Variants in NFU1 observed in about 807,000 individuals in gnomAD.
NFU1 encodes NFU1 iron-sulfur cluster scaffold homolog, mitochondrial.
NFU1 carries 30 observed loss-of-function variants against 32.2 expected under a neutral mutation model. The ratio of observed to expected loss-of-function variants is 0.93; its 90% CI spans 0.70 to 1.26. NFU1 has a LOEUF of 1.26. Among genes scored for constraint, NFU1 ranks in the 50% most tolerant of loss-of-function variants. The probability of loss-of-function intolerance (pLI) is 0.00; values close to 1 mark genes in which losing one functional copy is unlikely to be tolerated. For synonymous variants in NFU1, 112 were observed against 104.6 expected (o/e 1.07, Z -0.43); for missense variants, 306 against 306.6 (o/e 1.00, Z 0.02).
chr2:69,433,183 C>T (rs1436896031), intron 1 of NFU1, among the ~76,000 whole-genome samples: 1 of 150,712 alleles, frequency 6.6e-6, no homozygotes, highest in Admixed American at 6.6e-5. Context: ...TACGACTGTC[C>T]TTTTTGTTTT....
chr2:69,404,615 A>ATATTT (rs1426118283), intron 6 of NFU1, among the ~76,000 whole-genome samples: 6 of 73,008 alleles, frequency 8.2e-5, no homozygotes, highest in South Asian at 5.3e-4. Context: ...ATCTTAGCAA[A>ATATTT]TTTTTTTTTT....
At chr2:69,406,325 T>TA in intron 5 of NFU1, among the ~76,000 whole-genome samples, 1 of 152,350 alleles carries the variant, frequency 6.6e-6, no homozygotes, top group Admixed American at 6.5e-5. Flanking sequence ...ATGAGTACAC[T>TA]AAAACATCTT....
intron 7 of NFU1, among the ~76,000 whole-genome samples, chr2:69,398,661 G>A (rs1672415150): frequency 6.6e-6 from 1 of 152,130 alleles, no homozygotes; most frequent in South Asian, 2.1e-4. Flanking sequence ...CATTCCTCCT[G>A]GTATATAAGC....
At chr2:69,408,861 CTT>C (rs1173785443) in intron 5 of NFU1, among the ~76,000 whole-genome samples, 259 of 67,762 alleles carry the variant, frequency 3.8e-3, no homozygotes, top group African/African-American at 0.012. Context: ...CAGGCTTGTG[CTT>C]TTTTTTTTTT....
chr2:69,435,399 AG>A (rs1673795668), intron 1 of NFU1, among the ~76,000 whole-genome samples: 1 of 152,270 alleles, frequency 6.6e-6, no homozygotes, highest in African/African-American at 2.4e-5. Context: ...TGCTTAAAAT[AG>A]GCAAGAAGCA....
At chr2:69,417,567 G>A (rs967264392) in intron 4 of NFU1, among the ~76,000 whole-genome samples, 3 of 151,990 alleles carry the variant, frequency 2.0e-5, no homozygotes, top group East Asian at 3.9e-4. Flanking sequence ...CAGCAGGATC[G>A]CTTGAGCCTG....
At chr2:69,410,289 T>C (rs931015061) in intron 5 of NFU1, among the ~76,000 whole-genome samples, 5 of 152,068 alleles carry the variant, frequency 3.3e-5, no homozygotes, top group Non-Finnish European at 1.5e-5. Context: ...CTCAGGTGGC[T>C]GAGGCAGGAG....
At chr2:69,423,144 ATTTGTGTGTGTGTGTGTGTGTGT>A (rs1673300799) in intron 3 of NFU1, among the ~76,000 whole-genome samples, 1 of 97,736 alleles carries the variant, frequency 1.0e-5, no homozygotes, top group Non-Finnish European at 2.1e-5. Flanking sequence ...ACTCAGCTAA[ATTTGTGTGTGTGTGTGTGTGTGT>A]ATGTGTGTGT....
intron 5 of NFU1, 63 bp downstream of exon 5, chr2:69,415,122 T>C (rs1391791086): frequency 3.5e-6 from 3 of 851,208 alleles, no homozygotes; most frequent in African/African-American, 3.4e-5. Flanking sequence ...TCAAGGTAAA[T>C]GTGAAGAAAA....
chr2:69,432,702 G>A (rs1301542035), intron 1 of NFU1, among the ~76,000 whole-genome samples: 1 of 151,904 alleles, frequency 6.6e-6, no homozygotes, highest in East Asian at 1.9e-4. Context: ...TTTAGAATTA[G>A]GCAATAGAGT....
intron 5 of NFU1, among the ~76,000 whole-genome samples, chr2:69,414,180 A>G (rs1256716924): frequency 6.6e-6 from 1 of 152,244 alleles, no homozygotes; most frequent in Non-Finnish European, 1.5e-5. Flanking sequence ...TTACTTGAAC[A>G]TAAAGGAACA....
At chr2:69,438,354 A>G (rs372233557), upstream of NFU1, among the ~76,000 whole-genome samples, 1 of 151,578 alleles carries the variant, frequency 6.6e-6, no homozygotes, top group South Asian at 2.1e-4. Context: ...GGCTCAAGTG[A>G]TTCATCCTCC....
At chr2:69,400,918 C>A (rs1201432992) in intron 6 of NFU1, among the ~76,000 whole-genome samples, 1 of 152,034 alleles carries the variant, frequency 6.6e-6, no homozygotes, top group Non-Finnish European at 1.5e-5. Context: ...CCAGTGCACT[C>A]CAGCTTGGGT....
chr2:69,430,799 C>G (rs1673613503), intron 2 of NFU1, among the ~76,000 whole-genome samples: 1 of 152,202 alleles, frequency 6.6e-6, no homozygotes, highest in Admixed American at 6.5e-5. Context: ...CTCTTCTGGC[C>G]CCTGGCTACA....
At chr2:69,425,026 G>A (rs572835238) in intron 2 of NFU1, among the ~76,000 whole-genome samples, 9 of 151,608 alleles carry the variant, frequency 5.9e-5, no homozygotes, top group Admixed American at 1.3e-4. Flanking sequence ...ACAGGCACCC[G>A]CTGCCATGCC....
At position 69,415,311 on chromosome 2, in the gene NFU1, T is replaced by C; in HGVS notation, c.370-12A>G. ...AATTCTTCATTTTCCTATAAACATT[T>C]AAAGGAAAATGCTGTATTTCCAGGC... On this transcript the variant is annotated splice_polypyrimidine_tract_variant and intron_variant, in intron 4 of 7. Transcript: ENST00000410022. 6.8e-7 allele frequency: 1 copy of C among 1,480,250 alleles called. No homozygotes were observed. Among genetic ancestry groups the C allele is most frequent in the Non-Finnish European group, 9.4e-7 (1 of 1,059,776 alleles). The allele number at this position is 1,480,250 out of a possible 1,614,324, so 91.7% of individuals were successfully genotyped here. A position where few individuals can be genotyped will look rare whatever the true frequency, so the allele number is the denominator to read the frequency against.
intron 6 of NFU1, among the ~76,000 whole-genome samples, chr2:69,402,940 T>G (rs1305658908): frequency 6.7e-6 from 1 of 149,556 alleles, no homozygotes; most frequent in Non-Finnish European, 1.5e-5. Context: ...TACCCGAAGG[T>G]CATACAAATA....
At chr2:69,400,601 TA>T in intron 6 of NFU1, 63 bp from the exon 7 acceptor site, 2 of 1,429,394 alleles carry the variant, frequency 1.4e-6, no homozygotes, top group Non-Finnish European at 2.0e-6. Flanking sequence ...TGAAAAAATT[TA>T]ATACAGCTCA....
At chr2:69,438,900 C>CCA (rs1673952173), upstream of NFU1, among the ~76,000 whole-genome samples, 2 of 111,656 alleles carry the variant, frequency 1.8e-5, no homozygotes, top group Non-Finnish European at 3.5e-5. Flanking sequence ...ATCCAACCCC[C>CCA]CACCCACCCC....
Sources: gnomAD v4.1 joint callset for allele counts (sites outside exome capture counted in the v4.1 genomes callset) on GRCh38, gnomAD v4.1.1 for gene constraint, MANE v1.5 for transcripts, NCBI Gene and HGNC (gene_info 2026-07-23, HGNC 2026-07-21) for gene names.